Variants in ARIH2 observed in about 807,000 individuals in gnomAD.
The protein encoded by ARIH2 is E3 ubiquitin-protein ligase ARIH2.
A neutral mutation model predicts 79.8 loss-of-function variants in ARIH2; 12 were observed. The observed-to-expected ratio is 0.15, with a 90% CI of 0.10 to 0.24. ARIH2 has a LOEUF of 0.24. ARIH2 is among the 10% of genes least tolerant of loss of function. The probability of loss-of-function intolerance (pLI) is 1.00; values close to 1 mark genes in which losing one functional copy is unlikely to be tolerated. For missense variants in ARIH2, 301 were observed against 618.3 expected, an observed-to-expected ratio of 0.49 and a Z score of 5.44; for synonymous variants, 224 against 213.9, an observed-to-expected ratio of 1.05 and a Z score of -0.41.
chr3:48,973,640 T>G, intron 8 of ARIH2, 59 bp from the exon 9 acceptor site: 15 of 1,342,630 alleles, frequency 1.1e-5, no homozygotes, highest in Non-Finnish European at 1.5e-5. Context: ...AAAGGAAAAT[T>G]TTGAACATGG....
intron 3 of ARIH2, among the ~76,000 whole-genome samples, chr3:48,936,955 G>A (rs2087236915): frequency 6.6e-6 from 1 of 151,808 alleles, no homozygotes; most frequent in African/African-American, 2.4e-5. Context: ...GTGAACCCGG[G>A]AGGTGGAGCT....
chr3:48,976,975 C>T (rs552129179), intron 11 of ARIH2, among the ~76,000 whole-genome samples: 6 of 151,398 alleles, frequency 4.0e-5, no homozygotes, highest in East Asian at 2.0e-4. Flanking sequence ...CCGAGGTGGG[C>T]GGATCATGAG....
chr3:48,962,628 T>C lies in ARIH2; in HGVS notation c.323+949T>C, dbSNP rs570520667. Among the ~76,000 whole-genome samples, 308 of 152,294 alleles carry C rather than the reference T, an allele frequency of 2.0e-3. 2 individuals are homozygous for C. The highest frequency in any genetic ancestry group is 7.0e-3 in the African/African-American group (291 of 41,568). On this transcript the variant is annotated intron_variant, in intron 4 of 15. Coordinates refer to ENST00000356401, the MANE Select transcript of ARIH2 (RefSeq NM_006321.4). ...ACAGTGTTTCTCATCCTCAGCATTATTGACATTTTAGACTAGATAACTCTT... is the reference window on the plus strand; with the variant it reads ...ACAGTGTTTCTCATCCTCAGCATTACTGACATTTTAGACTAGATAACTCTT...
At chr3:48,942,645 ATTTTTTT>A (rs745532484) in intron 3 of ARIH2, among the ~76,000 whole-genome samples, 127 of 104,744 alleles carry the variant, frequency 1.2e-3, no homozygotes, top group Middle Eastern at 6.5e-3. Context: ...TGCCCGGCTA[ATTTTTTT>A]TTTTTTTTTT....
chr3:48,946,278 T>G (rs1349031543), intron 3 of ARIH2, among the ~76,000 whole-genome samples: 16 of 151,888 alleles, frequency 1.1e-4, no homozygotes, highest in Admixed American at 1.0e-3. Flanking sequence ...TGTTATTCAT[T>G]TAAAAAACAG....
intron 7 of ARIH2, 22 bp downstream of exon 7, chr3:48,968,677 C>A: frequency 6.2e-7 from 1 of 1,600,156 alleles, no homozygotes; most frequent in Non-Finnish European, 8.5e-7. Context: ...CTTTGTTCTG[C>A]CCTCTGTCTT....
At chr3:48,960,504 C>G (rs960292323) in intron 3 of ARIH2, among the ~76,000 whole-genome samples, 4 of 151,744 alleles carry the variant, frequency 2.6e-5, no homozygotes, top group Non-Finnish European at 5.9e-5. Context: ...TGGGTCACAC[C>G]TGTAATCCCA....
chr3:48,945,213 G>A (rs779599189), intron 3 of ARIH2: 15 of 1,288,842 alleles, frequency 1.2e-5, no homozygotes, highest in Non-Finnish European at 1.5e-5. Flanking sequence ...GACAGTTTTG[G>A]TGGGCTGCTG....
At chr3:48,926,436 T>G (rs1375991390) in intron 2 of ARIH2, among the ~76,000 whole-genome samples, 2 of 150,832 alleles carry the variant, frequency 1.3e-5, no homozygotes, top group Admixed American at 6.6e-5. Flanking sequence ...CCTGCTTAAT[T>G]TTTTTGTATT....
At chr3:48,962,790 C>T (rs2091405945) in intron 4 of ARIH2, among the ~76,000 whole-genome samples, 1 of 152,164 alleles carries the variant, frequency 6.6e-6, no homozygotes, top group Admixed American at 6.6e-5. Flanking sequence ...AGCAAAATTC[C>T]CTCTGGTGAG....
At chr3:48,938,596 G>C (rs1161320715) in intron 3 of ARIH2, among the ~76,000 whole-genome samples, 6 of 152,184 alleles carry the variant, frequency 3.9e-5, no homozygotes, top group African/African-American at 1.4e-4. Flanking sequence ...TGGAGGACCA[G>C]AGAGAGCAGG....
At chr3:48,957,834 A>C (rs1279835974) in intron 3 of ARIH2, among the ~76,000 whole-genome samples, 1 of 151,958 alleles carries the variant, frequency 6.6e-6, no homozygotes, top group East Asian at 1.9e-4. Context: ...TCCTGCCTCA[A>C]CTTCCCGAGT....
At chr3:48,961,306 G>A (rs2091232384) in intron 3 of ARIH2, among the ~76,000 whole-genome samples, 1 of 152,120 alleles carries the variant, frequency 6.6e-6, no homozygotes, top group Non-Finnish European at 1.5e-5. Context: ...CAGCCCTGTT[G>A]CTTATATTAT....
At chr3:48,939,757 C>CAAAAAA (rs1190260583) in intron 3 of ARIH2, among the ~76,000 whole-genome samples, 159 of 39,718 alleles carry the variant, frequency 4.0e-3, no homozygotes, top group East Asian at 6.0e-3. Context: ...GACTCCATCT[C>CAAAAAA]AAAAAAAAAA....
intron 11 of ARIH2, among the ~76,000 whole-genome samples, 182 bp from the exon 12 acceptor site, chr3:48,979,300 A>G (rs1332731811): frequency 6.6e-6 from 1 of 152,196 alleles, no homozygotes; most frequent in Non-Finnish European, 1.5e-5. Context: ...AGTACAGGCT[A>G]CAAGGACAGT....
chr3:48,975,476 G>A (rs1435968078), intron 11 of ARIH2, among the ~76,000 whole-genome samples: 1 of 152,126 alleles, frequency 6.6e-6, no homozygotes, highest in Non-Finnish European at 1.5e-5. Context: ...CAGGTCAACT[G>A]AAGAAACAGA....
At chr3:48,975,088 C>G (rs766231623) in intron 11 of ARIH2, 109 bp downstream of exon 11, 132 of 1,576,196 alleles carry the variant, frequency 8.4e-5, no homozygotes, top group South Asian at 2.1e-4. Flanking sequence ...CATAGAAGAA[C>G]CTCAGTCACT....
intron 11 of ARIH2, among the ~76,000 whole-genome samples, chr3:48,978,389 G>A (rs1359051327): frequency 6.8e-6 from 1 of 146,014 alleles, no homozygotes; most frequent in East Asian, 2.0e-4. Flanking sequence ...AGTAGCTACT[G>A]GCATGTGCCA....
chr3:48,949,407 G>C (rs371994818), intron 3 of ARIH2, among the ~76,000 whole-genome samples: 1 of 152,146 alleles, frequency 6.6e-6, no homozygotes, highest in South Asian at 2.1e-4. Context: ...GTGCCCAGCC[G>C]TGTTTAACAT....
Sources: allele counts gnomAD v4.1 joint callset (sites outside exome capture counted in the v4.1 genomes callset), GRCh38; gene constraint gnomAD v4.1.1; transcripts MANE v1.5; gene names NCBI Gene and HGNC (gene_info 2026-07-23, HGNC 2026-07-21).